The following PLCL2 variants were observed in gnomAD, a reference collection of about 807,000 sequenced individuals.
PLCL2 encodes phospholipase C like 2, also known as inactive phospholipase C-like protein 2.
PLCL2 carries 4 observed loss-of-function variants against 79.6 expected under a neutral mutation model. The observed-to-expected ratio is 0.05, with a 90% CI of 0.02 to 0.11. The LOEUF (loss-of-function observed/expected upper bound fraction) is 0.11, where lower values mean the gene tolerates loss of function less well. Among genes scored for constraint, PLCL2 ranks in the 10% least tolerant of loss-of-function variants. PLCL2 has a pLI of 1.00. For missense variants in PLCL2, 895 were observed against 1,291.0 expected (o/e 0.69, Z 4.70); for synonymous variants, 484 against 457.7 (o/e 1.06, Z -0.73).
At chr3:17,060,699 T>G (rs1208325450) in intron 4 of PLCL2, among the ~76,000 whole-genome samples, 1 of 152,188 alleles carries the variant, frequency 6.6e-6, no homozygotes, top group Non-Finnish European at 1.5e-5. Flanking sequence ...ATACCATAAG[T>G]CATGTACAGA....
chr3:17,082,375 G>A (rs992148645), intron 5 of PLCL2, among the ~76,000 whole-genome samples: 3 of 151,352 alleles, frequency 2.0e-5, no homozygotes, highest in African/African-American at 7.3e-5. Flanking sequence ...GAGGTGATCC[G>A]CCCGCCTCGG....
rs552467020 is a variant in PLCL2, at chr3:17,015,017, A to G, written c.3018+106A>G. 37 of 820,202 alleles carry G rather than the reference A, an allele frequency of 4.5e-5. No individual in the cohort carries two copies. In the East Asian group the frequency reaches 8.4e-4, roughly 19 times the overall value. The allele number at this position is 820,202 out of a possible 1,614,324, so 50.8% of individuals were successfully genotyped here. A position where few individuals can be genotyped will look rare whatever the true frequency, so the allele number is the denominator to read the frequency against. ...TTGCTGAAGTGCACTTTCCTATTTC[A>G]TGCTTCATTCACCTATGCTGGAGAA... On this transcript the variant is annotated intron_variant, in intron 3 of 5. Coordinates refer to ENST00000615277, the MANE Select transcript of PLCL2 (RefSeq NM_001144382.2).
chr3:16,937,944 A>C (rs544033013), intron 1 of PLCL2, among the ~76,000 whole-genome samples: 1 of 152,332 alleles, frequency 6.6e-6, no homozygotes, highest in Admixed American at 6.5e-5. Context: ...TGCAACAGAA[A>C]TTACCTTATG....
chr3:17,081,569 C>G (rs1410405395), intron 5 of PLCL2: 3 of 203,976 alleles, frequency 1.5e-5, no homozygotes, highest in Non-Finnish European at 1.0e-5. Flanking sequence ...AAATGTAGCA[C>G]TAACAGATGT....
intron 4 of PLCL2, among the ~76,000 whole-genome samples, chr3:17,050,122 T>C (rs1043300961): frequency 6.6e-6 from 1 of 152,154 alleles, no homozygotes; most frequent in African/African-American, 2.4e-5. Context: ...GAAAACGGGA[T>C]ATCCATATGC....
At chr3:16,987,202 G>A (rs2064059132) in intron 1 of PLCL2, among the ~76,000 whole-genome samples, 1 of 152,066 alleles carries the variant, frequency 6.6e-6, no homozygotes, top group Non-Finnish European at 1.5e-5. Context: ...AGCAGGCAGA[G>A]CCAGACGTGG....
At chr3:17,041,458 G>A (rs949179702) in intron 3 of PLCL2, among the ~76,000 whole-genome samples, 1 of 152,114 alleles carries the variant, frequency 6.6e-6, no homozygotes, top group African/African-American at 2.4e-5. Flanking sequence ...TTAGAACTGT[G>A]CAAGTTGATA....
At chr3:17,083,300 C>T (rs771353857) in intron 5 of PLCL2, among the ~76,000 whole-genome samples, 1 of 152,122 alleles carries the variant, frequency 6.6e-6, no homozygotes, top group African/African-American at 2.4e-5. Flanking sequence ...TAGCTACGTG[C>T]ATTTCTGGGG....
intron 1 of PLCL2, among the ~76,000 whole-genome samples, chr3:16,932,631 T>G (rs9824172): frequency 0.27 from 40,368 of 152,050 alleles, 5,776 homozygotes; most frequent in East Asian, 0.54. Context: ...TTTGGAGAGG[T>G]CCTTCTCTCT....
chr3:16,978,823 C>T (rs1381325518), intron 1 of PLCL2, among the ~76,000 whole-genome samples: 3 of 152,178 alleles, frequency 2.0e-5, no homozygotes, highest in Middle Eastern at 3.2e-3. Flanking sequence ...TAGGAGGTTT[C>T]GTTGGCAGAG....
intron 3 of PLCL2, among the ~76,000 whole-genome samples, chr3:17,025,368 T>A (rs2064505349): frequency 6.6e-6 from 1 of 152,102 alleles, no homozygotes; most frequent in Non-Finnish European, 1.5e-5. Context: ...TGGAGTTGAG[T>A]TGGGAAGACT....
At chr3:17,027,234 G>A (rs2064526967) in intron 3 of PLCL2, among the ~76,000 whole-genome samples, 1 of 152,182 alleles carries the variant, frequency 6.6e-6, no homozygotes, top group Non-Finnish European at 1.5e-5. Context: ...TTTAGAGGAG[G>A]AGCTGAGAAA....
At position 16,946,912 on chromosome 3, in the gene PLCL2, A is replaced by G. The variant is rs184168039; in HGVS notation, c.327+61546A>G. The stretch of plus-strand genomic sequence containing the variant: ...GCTTTTCTTTTATATTAGTTTTCCC[A>G]TATAAGAGTAAATGAATGAATATAA... On this transcript the variant is annotated intron_variant, in intron 1 of 5. Transcript: ENST00000615277. 1.6e-3 allele frequency among the ~76,000 whole-genome samples: 237 copies of G among 149,740 alleles called. 1 individual carries two copies. Among genetic ancestry groups the G allele is most frequent in the Middle Eastern group, 0.014 (4 of 286 alleles).
At chr3:17,051,741 G>A (rs1267587435) in intron 4 of PLCL2, among the ~76,000 whole-genome samples, 1 of 152,180 alleles carries the variant, frequency 6.6e-6, no homozygotes, top group African/African-American at 2.4e-5. Context: ...TCTTTTGGTT[G>A]TACAACATGG....
At chr3:16,934,597 G>T (rs907361962) in intron 1 of PLCL2, among the ~76,000 whole-genome samples, 2 of 152,192 alleles carry the variant, frequency 1.3e-5, no homozygotes, top group Admixed American at 6.5e-5. Flanking sequence ...TTTATCAGGA[G>T]TGGGAGGTTA....
At chr3:17,033,201 A>C (rs1052510575) in intron 3 of PLCL2, among the ~76,000 whole-genome samples, 1 of 152,164 alleles carries the variant, frequency 6.6e-6, no homozygotes, top group African/African-American at 2.4e-5. Context: ...AAAGTTGAGA[A>C]TAGCTAGCTT....
chr3:17,086,242 A>G lies in PLCL2; in HGVS notation c.3205-3491A>G, dbSNP rs181864572. The stretch of plus-strand genomic sequence containing the variant: ...CAGTGTGAAAAGAATAGACAAATAG[A>G]TCAGCAGAACAGGATAGAAGAGCCC... On this transcript the variant is annotated intron_variant, in intron 5 of 5. Coordinates refer to ENST00000615277, the MANE Select transcript of PLCL2 (RefSeq NM_001144382.2). Among the ~76,000 whole-genome samples the G allele has an allele frequency of 1.6e-3, 239 of 152,336 alleles. 3 individuals are homozygous for G. The highest frequency in any genetic ancestry group is 6.9e-3 in the Admixed American group (106 of 15,306).
rs2064812817 is a variant in PLCL2, at chr3:17,049,084, G to T, written c.3094+6135G>T. The stretch of plus-strand genomic sequence containing the variant: ...CCATACCAGCAGGTACGAAAACCTT[G>T]CACTTCTTGTGCAAAGTTTTTTTTT... On this transcript the variant is annotated intron_variant, in intron 4 of 5. Coordinates refer to ENST00000615277, the MANE Select transcript of PLCL2 (RefSeq NM_001144382.2). 2.0e-5 allele frequency among the ~76,000 whole-genome samples: 3 copies of T among 150,244 alleles called. No homozygotes were observed. In the Admixed American group the frequency reaches 2.0e-4, roughly 10 times the overall value.
Position 17,034,699 on chromosome 3 carries a change from G to C in PLCL2, c.3019-8175G>C, listed in dbSNP as rs1033162778. Among the ~76,000 whole-genome samples the C allele has an allele frequency of 2.0e-5, 3 of 152,120 alleles. No individual in the cohort carries two copies. In the East Asian group the frequency reaches 5.8e-4, roughly 29 times the overall value. On this transcript the variant is annotated intron_variant, in intron 3 of 5. Coordinates refer to ENST00000615277, the MANE Select transcript of PLCL2 (RefSeq NM_001144382.2). ...GATCTTTATTGAGAAGTTTGATGACGTTTTTGTGACCAGAAATACGCTGTG... is the reference window on the plus strand; with the variant it reads ...GATCTTTATTGAGAAGTTTGATGACCTTTTTGTGACCAGAAATACGCTGTG...
Sources: gnomAD v4.1 joint callset for allele counts (sites outside exome capture counted in the v4.1 genomes callset) on GRCh38, gnomAD v4.1.1 for gene constraint, MANE v1.5 for transcripts, NCBI Gene and HGNC (gene_info 2026-07-23, HGNC 2026-07-21) for gene names.